Variants in KIAA1217 observed in about 807,000 individuals in gnomAD.
KIAA1217 encodes the protein KIAA1217, also known as sickle tail protein homolog.
Under a neutral mutation model 163.9 loss-of-function variants are expected in KIAA1217, and 88 were observed. The ratio of observed to expected loss-of-function variants is 0.54; its 90% confidence interval spans 0.45 to 0.64. KIAA1217 has a LOEUF of 0.64. Among genes scored for constraint, KIAA1217 ranks in the 30% least tolerant of loss-of-function variants. The probability of loss-of-function intolerance (pLI) is 0.00; values close to 1 mark genes in which losing one functional copy is unlikely to be tolerated. For synonymous variants in KIAA1217, 903 were observed against 923.1 expected (o/e 0.98, Z 0.39); for missense variants, 2,372 against 2,475.0 (o/e 0.96, Z 0.88).
At chr10:24,174,666 T>A (rs1318112822) in intron 2 of KIAA1217, among the ~76,000 whole-genome samples, 2 of 152,258 alleles carry the variant, frequency 1.3e-5, no homozygotes, top group African/African-American at 4.8e-5. Flanking sequence ...TATTTTGTTA[T>A]GGCAGTCCTC....
intron 1 of KIAA1217, among the ~76,000 whole-genome samples, chr10:23,993,862 G>A (rs1347149102): frequency 1.3e-5 from 2 of 152,038 alleles, no homozygotes; most frequent in African/African-American, 4.8e-5. Flanking sequence ...TTACAGGCAT[G>A]AGCAACCGCA....
chr10:24,143,171 G>T lies in KIAA1217; in HGVS notation c.-170-76455G>T, dbSNP rs7078561. ...TCTGCATAGAAATCTCATGGAACAG[G>T]AAAGCCATTTGGGTTGCAGCTGTAA... On this transcript the variant is annotated intron_variant, in intron 2 of 18. Coordinates refer to the KIAA1217 transcript ENST00000376462. Among the ~76,000 whole-genome samples the T allele has an allele frequency of 3.4e-3, 516 of 152,300 alleles. 4 individuals are homozygous for T. The highest frequency in any genetic ancestry group is 0.012 in the African/African-American group (484 of 41,556).
In KIAA1217 at chr10:24,544,967, G is replaced by A. The variant is rs199908568; in HGVS notation, c.5212-14G>A. ...TTCTCCTTCTCTTCCCCCTCTCACT[G>A]GTCCTTCCCACAGGGCTCCAGCGGG... is the stretch of plus-strand genomic sequence containing the variant. On this transcript the variant is annotated splice_polypyrimidine_tract_variant and intron_variant, in intron 19 of 20. Transcript: ENST00000376454. The A allele has an allele frequency of 6.2e-7, 1 of 1,612,400 alleles. No homozygotes were observed. The highest frequency in any genetic ancestry group is 1.3e-5 in the African/African-American group (1 of 74,932).
At chr10:24,068,006 G>T (rs143860943) in intron 2 of KIAA1217, among the ~76,000 whole-genome samples, 226 of 152,328 alleles carry the variant, frequency 1.5e-3, no homozygotes, top group African/African-American at 4.7e-3. Context: ...GCAGTATTAG[G>T]GTGGGAGTAA....
At chr10:23,774,271 A>G (rs1834918374) in intron 1 of KIAA1217, among the ~76,000 whole-genome samples, 1 of 152,206 alleles carries the variant, frequency 6.6e-6, no homozygotes, top group Non-Finnish European at 1.5e-5. Context: ...AGACAAGAAG[A>G]GGTGAAAGGA....
intron 1 of KIAA1217, among the ~76,000 whole-genome samples, chr10:23,824,335 A>G (rs866047423): frequency 8.6e-5 from 13 of 151,776 alleles, no homozygotes; most frequent in African/African-American, 2.4e-4. Context: ...AGAAAGATAC[A>G]TAAAGATATG....
intron 8 of KIAA1217, 86 bp from the exon 9 acceptor site, chr10:24,501,293 T>G (rs2067550504): frequency 1.6e-6 from 2 of 1,259,478 alleles, no homozygotes; most frequent in Admixed American, 2.3e-5. Flanking sequence ...CTTTTTAGAA[T>G]TACCAGTCAT....
chr10:24,250,158 T>G (rs2074304163), intron 2 of KIAA1217, among the ~76,000 whole-genome samples: 1 of 152,144 alleles, frequency 6.6e-6, no homozygotes, highest in Non-Finnish European at 1.5e-5. Context: ...GTCAGGAATG[T>G]CAAAAGCATT....
chr10:24,466,225 T>C (rs2062933379), intron 5 of KIAA1217, among the ~76,000 whole-genome samples: 1 of 152,044 alleles, frequency 6.6e-6, no homozygotes, highest in African/African-American at 2.4e-5. Flanking sequence ...GATCTGAAAG[T>C]TGGCTCCTCT....
intron 2 of KIAA1217, among the ~76,000 whole-genome samples, chr10:24,021,214 G>C (rs1272356335): frequency 1.3e-5 from 2 of 151,800 alleles, no homozygotes; most frequent in African/African-American, 4.8e-5. Context: ...AGAAGCAACA[G>C]TAACAAAAAA....
intron 2 of KIAA1217, among the ~76,000 whole-genome samples, chr10:24,021,307 C>A (rs1386954260): frequency 6.6e-6 from 1 of 151,830 alleles, no homozygotes; most frequent in Non-Finnish European, 1.5e-5. Context: ...TGTATACCAG[C>A]AATCAACGAT....
At chr10:24,442,742 A>G (rs1350548610) in intron 5 of KIAA1217, among the ~76,000 whole-genome samples, 1 of 152,006 alleles carries the variant, frequency 6.6e-6, no homozygotes, top group Non-Finnish European at 1.5e-5. Flanking sequence ...TTGAGTTACC[A>G]ATGATTCTTC....
chr10:23,790,495 AC>A (rs1835821461), intron 1 of KIAA1217, among the ~76,000 whole-genome samples: 1 of 106,364 alleles, frequency 9.4e-6, no homozygotes, highest in South Asian at 2.8e-4. Context: ...ATACATATAT[AC>A]ATGTGCATAT....
rs1281075339 is a variant in KIAA1217, at chr10:24,175,187, G to A, written c.-170-44439G>A. Among the ~76,000 whole-genome samples the A allele has an allele frequency of 2.6e-5, 4 of 151,836 alleles. No individual in the cohort carries two copies. In the East Asian group the frequency reaches 5.8e-4, roughly 22 times the overall value. The stretch of plus-strand genomic sequence containing the variant: ...CAATGTGTAGTCTTTTATCCTTCAC[G>A]CCCCTTCCATCCTTTTCCCGAGTCT... On this transcript the variant is annotated intron_variant, in intron 2 of 18. Transcript: ENST00000376462.
intron 2 of KIAA1217, among the ~76,000 whole-genome samples, chr10:24,224,713 T>A (rs1010342463): frequency 6.6e-6 from 1 of 152,172 alleles, no homozygotes; most frequent in Non-Finnish European, 1.5e-5. Context: ...AACGATGGAA[T>A]CTTTTACTGT....
At chr10:24,187,257 TC>T (rs2066480811) in intron 2 of KIAA1217, among the ~76,000 whole-genome samples, 1 of 152,292 alleles carries the variant, frequency 6.6e-6, no homozygotes, top group African/African-American at 2.4e-5. Flanking sequence ...TTTCTCTCAT[TC>T]TTTTCTCTTT....
At chr10:24,253,729 C>T (rs551538097) in intron 2 of KIAA1217, among the ~76,000 whole-genome samples, 1 of 150,530 alleles carries the variant, frequency 6.6e-6, no homozygotes, top group African/African-American at 2.4e-5. Flanking sequence ...GGGACTCTGT[C>T]TCCAAAGAAA....
At chr10:23,982,808 C>T (rs1225867274) in intron 1 of KIAA1217, among the ~76,000 whole-genome samples, 1 of 152,088 alleles carries the variant, frequency 6.6e-6, no homozygotes, top group South Asian at 2.1e-4. Context: ...AGGTGATCCA[C>T]CCACCTCAGC....
chr10:24,468,957 AT>A (rs2063216745), intron 5 of KIAA1217, among the ~76,000 whole-genome samples: 1 of 152,044 alleles, frequency 6.6e-6, no homozygotes, highest in Non-Finnish European at 1.5e-5. Context: ...CATTTTTTGC[AT>A]GTCACCAAGC....
Sources: allele counts gnomAD v4.1 joint callset (sites outside exome capture counted in the v4.1 genomes callset), GRCh38; gene constraint gnomAD v4.1.1; transcripts MANE v1.5; gene names NCBI Gene and HGNC (gene_info 2026-07-23, HGNC 2026-07-21).